The following ZNF407 variants were observed in gnomAD, a reference collection of about 807,000 sequenced individuals.
ZNF407 encodes the protein zinc finger protein 407.
A neutral mutation model predicts 131.2 loss-of-function variants in ZNF407; 17 were observed. That is an observed-to-expected ratio of 0.13 (90% confidence interval 0.09 to 0.19). The LOEUF is 0.19. ZNF407 is among the 10% of genes least tolerant of loss of function. ZNF407 has a pLI of 1.00. For synonymous variants in ZNF407, 1,156 were observed against 1,062.0 expected, an observed-to-expected ratio of 1.09 and a Z score of -1.72; for missense variants, 2,681 against 2,830.6, an observed-to-expected ratio of 0.95 and a Z score of 1.20.
rs145144421 is a variant in ZNF407 at position 75,010,749 on chromosome 18, A to G, written c.5429-52401A>G. On this transcript the variant is annotated intron_variant, in intron 8 of 8. Transcript: ENST00000299687. ...AACTTGGGAGTACTTTTTGGTGCATATGTCTCTCTCCTTTATGTTAGACTA... is the reference window on the plus strand; with the variant it reads ...AACTTGGGAGTACTTTTTGGTGCATGTGTCTCTCTCCTTTATGTTAGACTA... 5.3e-5 allele frequency among the ~76,000 whole-genome samples: 8 copies of G among 152,240 alleles called. No homozygotes were observed. The East Asian group carries it at 1.5e-3, about 29-fold the overall frequency.
intron 8 of ZNF407, among the ~76,000 whole-genome samples, chr18:74,971,011 C>T (rs894169176): frequency 1.3e-5 from 2 of 152,358 alleles, no homozygotes; most frequent in Non-Finnish European, 2.9e-5. Context: ...CTCAACACCA[C>T]GTGGAAGCTG....
chr18:74,740,354 G>A (rs1183028697), intron 3 of ZNF407, among the ~76,000 whole-genome samples: 2 of 152,262 alleles, frequency 1.3e-5, no homozygotes, highest in Non-Finnish European at 2.9e-5. Flanking sequence ...ATCTTCTGAT[G>A]TATAGATTCT....
At chr18:74,794,267 G>A (rs558911548) in intron 4 of ZNF407, among the ~76,000 whole-genome samples, 2 of 152,248 alleles carry the variant, frequency 1.3e-5, no homozygotes, top group South Asian at 2.1e-4. Context: ...CATTGTCTTC[G>A]TTTTGGTGCC....
At chr18:74,600,432 C>T (rs1362792590) in intron 1 of ZNF407, among the ~76,000 whole-genome samples, 1 of 152,162 alleles carries the variant, frequency 6.6e-6, no homozygotes, top group East Asian at 1.9e-4. Context: ...TCTTATTGCT[C>T]CTGCATCTTT....
intron 1 of ZNF407, among the ~76,000 whole-genome samples, chr18:74,606,702 C>T (rs2144611241): frequency 6.6e-6 from 1 of 152,166 alleles, no homozygotes; most frequent in African/African-American, 2.4e-5. Flanking sequence ...TGTCAGTTTT[C>T]TTGGAATTTT....
At chr18:75,010,444 A>G (rs1352659037) in intron 8 of ZNF407, among the ~76,000 whole-genome samples, 2 of 152,194 alleles carry the variant, frequency 1.3e-5, no homozygotes, top group African/African-American at 2.4e-5. Context: ...AGCAACAGTC[A>G]TGTGTCACCA....
intron 4 of ZNF407, among the ~76,000 whole-genome samples, chr18:74,797,627 G>C (rs752973633): frequency 8.5e-5 from 13 of 152,214 alleles, no homozygotes; most frequent in Non-Finnish European, 1.8e-4. Flanking sequence ...TTTCTTTTCA[G>C]ATTGAGAGGG....
intron 3 of ZNF407, among the ~76,000 whole-genome samples, chr18:74,685,389 G>T (rs896049518): frequency 6.6e-6 from 1 of 152,134 alleles, no homozygotes; most frequent in Non-Finnish European, 1.5e-5. Context: ...CCCGGTCCTG[G>T]CACTGTCTTC....
intron 1 of ZNF407, 148 bp from the exon 2 acceptor site, chr18:74,630,819 A>G (rs907368091): frequency 2.0e-6 from 1 of 503,000 alleles, no homozygotes; most frequent in African/African-American, 2.0e-5. Flanking sequence ...ATACTTTTTG[A>G]TAAAAGACTT....
At chr18:74,788,082 T>C (rs8099793) in intron 4 of ZNF407, among the ~76,000 whole-genome samples, 96,569 of 152,160 alleles carry the variant, frequency 0.63, 32,949 homozygotes, top group East Asian at 0.95. Flanking sequence ...ATGGCCAAAA[T>C]TGTGATCCAT....
chr18:74,862,348 G>T (rs1022040538), intron 4 of ZNF407, among the ~76,000 whole-genome samples: 9 of 152,276 alleles, frequency 5.9e-5, no homozygotes, highest in African/African-American at 2.2e-4. Context: ...GTCTACAGAT[G>T]CTGTAAGTAG....
Position 74,783,476 on chromosome 18 carries a change from A to G in ZNF407, c.4877+1974A>G, listed in dbSNP as rs1020498422. Among the ~76,000 whole-genome samples the G allele has an allele frequency of 3.3e-5, 5 of 152,216 alleles. No individual in the cohort carries two copies. In the South Asian group the frequency reaches 6.2e-4, roughly 19 times the overall value. ...TCCCCATATATGTGCATGTATGTAT[A>G]TATGTTCATGTATTAAACACCTTAA... On this transcript the variant is annotated intron_variant, in intron 4 of 8. Transcript: ENST00000299687.
intron 1 of ZNF407, among the ~76,000 whole-genome samples, chr18:74,603,843 A>G (rs1340449281): frequency 3.3e-5 from 5 of 152,218 alleles, no homozygotes; most frequent in African/African-American, 9.6e-5. Context: ...GTGTTACCTC[A>G]ACTATGTAAT....
intron 8 of ZNF407, among the ~76,000 whole-genome samples, chr18:74,964,618 A>G (rs942403281): frequency 3.6e-5 from 5 of 140,710 alleles, no homozygotes; most frequent in African/African-American, 1.3e-4. Context: ...CTGAACCAAT[A>G]TTATAACCAA....
intron 3 of ZNF407, among the ~76,000 whole-genome samples, chr18:74,676,645 A>T (rs12968007): frequency 0.094 from 14,225 of 151,782 alleles, 889 homozygotes; most frequent in African/African-American, 0.17. Flanking sequence ...CGTGTTAGCC[A>T]GGATGGTCTC....
chr18:74,755,834 T>C (rs1456394188), intron 3 of ZNF407, among the ~76,000 whole-genome samples: 7 of 112,160 alleles, frequency 6.2e-5, no homozygotes, highest in Non-Finnish European at 1.1e-4. Flanking sequence ...CTCCCTCCCT[T>C]CCCTCCCTCC....
chr18:74,897,467 C>G (rs1398212596), intron 7 of ZNF407, among the ~76,000 whole-genome samples: 2 of 152,230 alleles, frequency 1.3e-5, no homozygotes, highest in South Asian at 4.1e-4. Flanking sequence ...TTTATTAAAC[C>G]TGCTGTTGTT....
At chr18:74,998,055 G>C (rs1036517062) in intron 8 of ZNF407, among the ~76,000 whole-genome samples, 1 of 152,136 alleles carries the variant, frequency 6.6e-6, no homozygotes, top group African/African-American at 2.4e-5. Context: ...CCAAGATGAG[G>C]AGCCTGGTGC....
intron 4 of ZNF407, among the ~76,000 whole-genome samples, chr18:74,805,395 A>C (rs1206941026): frequency 1.3e-5 from 2 of 152,192 alleles, no homozygotes; most frequent in African/African-American, 4.8e-5. Context: ...AACTGTCACA[A>C]TAGTCTGATT....
Sources: gnomAD v4.1 joint callset for allele counts (sites outside exome capture counted in the v4.1 genomes callset) on GRCh38, gnomAD v4.1.1 for gene constraint, MANE v1.5 for transcripts, NCBI Gene and HGNC (gene_info 2026-07-23, HGNC 2026-07-21) for gene names.